Variants in THADA observed in about 807,000 individuals in gnomAD.
THADA encodes tRNA (32-2'-O)-methyltransferase regulator THADA.
A neutral mutation model predicts 219.8 loss-of-function variants in THADA; 213 were observed. That is an observed-to-expected ratio of 0.97 (90% CI 0.87 to 1.09). The LOEUF is 1.09. Ranked by LOEUF, THADA falls within the 50% of genes least tolerant of loss-of-function variation. The pLI is 0.00. For missense variants in THADA, 2,956 were observed against 2,311.3 expected (o/e 1.28, Z -5.72); for synonymous variants, 1,018 against 828.9 (o/e 1.23, Z -3.92).
intron 14 of THADA, among the ~76,000 whole-genome samples, chr2:43,569,132 C>T (rs919235360): frequency 6.6e-6 from 1 of 151,974 alleles, no homozygotes; most frequent in Non-Finnish European, 1.5e-5. Context: ...CCACCACGCC[C>T]GTCTCAGGGT....
intron 26 of THADA, among the ~76,000 whole-genome samples, chr2:43,477,722 C>A (rs1000783691): frequency 6.6e-6 from 1 of 152,254 alleles, no homozygotes; most frequent in Non-Finnish European, 1.5e-5. Flanking sequence ...TCCACACTCA[C>A]TGATAGTCTC....
intron 30 of THADA, among the ~76,000 whole-genome samples, chr2:43,331,928 C>T (rs1366071211): frequency 1.3e-5 from 2 of 151,910 alleles, no homozygotes; most frequent in East Asian, 3.9e-4. Context: ...TACACACACA[C>T]ACACACACAC....
chr2:43,557,884 TA>T (rs1347470634), intron 16 of THADA, among the ~76,000 whole-genome samples: 4 of 152,258 alleles, frequency 2.6e-5, no homozygotes, highest in African/African-American at 9.6e-5. Flanking sequence ...TGTGCTGATT[TA>T]AATATCTGTT....
chr2:43,413,606 G>A (rs994833056), intron 28 of THADA, among the ~76,000 whole-genome samples: 2 of 152,184 alleles, frequency 1.3e-5, no homozygotes, highest in Non-Finnish European at 2.9e-5. Flanking sequence ...CAGCCATCAA[G>A]TGACCCATTG....
chr2:43,494,531 T>G (rs1052416208), intron 25 of THADA, among the ~76,000 whole-genome samples: 1 of 152,142 alleles, frequency 6.6e-6, no homozygotes, highest in African/African-American at 2.4e-5. Flanking sequence ...CAGGTAATAG[T>G]TTTGTGTCCT....
chr2:43,292,972 T>C lies in THADA; in HGVS notation c.4680A>G (p.Thr1560=). 6.2e-7 allele frequency: 1 copy of C among 1,614,020 alleles called. No homozygotes were observed. Among genetic ancestry groups the C allele is most frequent in the Non-Finnish European group, 8.5e-7 (1 of 1,179,888 alleles). ...AGAACTTTTCCAAGAGGGCTTCCAGTGTTAGTGAGCGCACTTCAGGGAAGG... is the reference window on the plus strand; with the variant it reads ...AGAACTTTTCCAAGAGGGCTTCCAGCGTTAGTGAGCGCACTTCAGGGAAGG... The part of the protein sequence containing the change: ...ESAFPEVRSL[T]LEALLEKFLA... The change falls in exon 32 of 38, where the codon ACA becomes ACG. Residue 1560 remains threonine, a synonymous_variant. Transcript: ENST00000405975.
rs564951608 is a variant in THADA, at chr2:43,384,527, A to G, written c.4227+13444T>C. ...ATGTTCTTCCTAAATGTACATACTG[A>G]ACACACATATTTGTACGCTCAATCA... On this transcript the variant is annotated intron_variant, in intron 29 of 37. Coordinates refer to ENST00000405975, the MANE Select transcript of THADA (RefSeq NM_022065.5). Among the ~76,000 whole-genome samples the G allele has an allele frequency of 9.8e-5, 15 of 152,376 alleles. No individual in the cohort carries two copies. In the East Asian group the frequency reaches 2.9e-3, roughly 29 times the overall value.
intron 26 of THADA, among the ~76,000 whole-genome samples, chr2:43,448,560 C>CTTTTTTTTTTTTTTTTTTTTTTCTT (rs71410179): frequency 2.9e-5 from 3 of 103,624 alleles, no homozygotes; most frequent in Non-Finnish European, 5.7e-5. Flanking sequence ...TTCTTCCTTT[C>CTTTTTTTTTTTTTTTTTTTTTTCTT]TTTTTTTTTT....
rs116595791 is a variant in THADA, at chr2:43,275,886, G to A, written c.5296+3879C>T. Among the ~76,000 whole-genome samples, 1,466 of 152,318 alleles carry A rather than the reference G, an allele frequency of 9.6e-3. 18 individuals carry two copies. Among genetic ancestry groups the A allele is most frequent in the Middle Eastern group, 0.044 (13 of 294 alleles). ...GGATTTAAAGTTAAGTATTGTCCAGGTTGTTTTTCCCACACAGAGGCCTTT... is the reference window on the plus strand; with the variant it reads ...GGATTTAAAGTTAAGTATTGTCCAGATTGTTTTTCCCACACAGAGGCCTTT... On this transcript the variant is annotated intron_variant, in intron 36 of 37. Coordinates refer to ENST00000405975, the MANE Select transcript of THADA (RefSeq NM_022065.5).
intron 25 of THADA, among the ~76,000 whole-genome samples, chr2:43,493,310 C>G (rs1687878785): frequency 6.6e-6 from 1 of 152,168 alleles, no homozygotes; most frequent in South Asian, 2.1e-4. Context: ...TTCTAGCCAA[C>G]ATGGTGAAAC....
rs745535845 is a variant in THADA, at chr2:43,293,083, G to A, written c.4569C>T (p.Ala1523=). The A allele has an allele frequency of 6.2e-7, 1 of 1,613,974 alleles. No individual in the cohort carries two copies. Among genetic ancestry groups the A allele is most frequent in the Non-Finnish European group, 8.5e-7 (1 of 1,179,890 alleles). The change falls in exon 32 of 38, where the codon GCC becomes GCT. Residue 1523 remains alanine, a synonymous_variant. Transcript: ENST00000405975. ...PQYLQSLTRL[A]IAAVWAAAAK... is the part of the protein sequence containing the mutation. Reference sequence around the variant, plus strand: ...CTGCCGCGGCCCACACTGCAGCAATGGCTAGTCTGGTGAGGCTCTGGAGGT... The same window carrying A: ...CTGCCGCGGCCCACACTGCAGCAATAGCTAGTCTGGTGAGGCTCTGGAGGT...
chr2:43,590,701 C>G, intron 4 of THADA, 123 bp downstream of exon 4: 1 of 930,752 alleles, frequency 1.1e-6, no homozygotes, highest in South Asian at 1.9e-5. Context: ...GAGAACAAAC[C>G]ATATGAATGA....
At chr2:43,468,761 G>A (rs1684564122) in intron 26 of THADA, among the ~76,000 whole-genome samples, 1 of 152,076 alleles carries the variant, frequency 6.6e-6, no homozygotes, top group African/African-American at 2.4e-5. Flanking sequence ...ACAGAATCTG[G>A]GGCACATCAG....
At chr2:43,402,346 C>T (rs1674956720) in intron 28 of THADA, among the ~76,000 whole-genome samples, 1 of 152,182 alleles carries the variant, frequency 6.6e-6, no homozygotes. Flanking sequence ...AGACAATTTT[C>T]TGCAACAGAT....
chr2:43,262,685 A>C (rs931925656), intron 36 of THADA, among the ~76,000 whole-genome samples: 7 of 152,218 alleles, frequency 4.6e-5, no homozygotes, highest in Non-Finnish European at 1.5e-5. Flanking sequence ...TTTCAGTTAT[A>C]TTAGTAGTTA....
chr2:43,460,797 A>T (rs1202910954), intron 26 of THADA, among the ~76,000 whole-genome samples: 1 of 152,196 alleles, frequency 6.6e-6, no homozygotes, highest in Non-Finnish European at 1.5e-5. Context: ...CTGGTGGGGG[A>T]GAGCCCACAG....
intron 36 of THADA, among the ~76,000 whole-genome samples, chr2:43,269,954 T>G (rs1671942134): frequency 6.6e-6 from 1 of 152,182 alleles, no homozygotes; most frequent in African/African-American, 2.4e-5. Flanking sequence ...CACTTAGTTC[T>G]TCCCACCCCA....
At chr2:43,241,590 T>G (rs1240164403) in intron 36 of THADA, among the ~76,000 whole-genome samples, 2 of 149,292 alleles carry the variant, frequency 1.3e-5, no homozygotes, top group African/African-American at 4.9e-5. Context: ...TCACATGGAT[T>G]TAAAAAAAAA....
At chr2:43,503,905 C>G (rs1689330285) in intron 24 of THADA, among the ~76,000 whole-genome samples, 1 of 152,046 alleles carries the variant, frequency 6.6e-6, no homozygotes, top group South Asian at 2.1e-4. Flanking sequence ...AAAAATAGCA[C>G]AGGTAGAGCA....
Sources: gnomAD v4.1 joint callset for allele counts (sites outside exome capture counted in the v4.1 genomes callset) on GRCh38, gnomAD v4.1.1 for gene constraint, MANE v1.5 for transcripts, NCBI Gene and HGNC (gene_info 2026-07-23, HGNC 2026-07-21) for gene names.